Variants in RARB observed in about 807,000 individuals in gnomAD.
RARB encodes HBV-activated protein.
A neutral mutation model predicts 51.9 loss-of-function variants in RARB; 17 were observed. The ratio of observed to expected loss-of-function variants is 0.33; its 90% confidence interval spans 0.22 to 0.49. The LOEUF (loss-of-function observed/expected upper bound fraction) is 0.49. Among genes scored for constraint, RARB ranks in the 20% least tolerant of loss-of-function variants. RARB has a pLI of 0.99. For synonymous variants in RARB, 215 were observed against 195.4 expected (o/e 1.10, Z -0.84); for missense variants, 369 against 550.8 (o/e 0.67, Z 3.30).
chr3:25,330,436 A>T (rs1217280338), intron 5 of RARB, among the ~76,000 whole-genome samples: 1 of 151,994 alleles, frequency 6.6e-6, no homozygotes, highest in Non-Finnish European at 1.5e-5. Flanking sequence ...TGAAGGAGAA[A>T]TAAAATCCTT....
In RARB at chr3:25,420,991, C is replaced by CAA. The variant is rs1204249206; in HGVS notation, c.179-40185_179-40184dup. Among the ~76,000 whole-genome samples, 16 of 126,282 alleles carry CAA rather than the reference C, an allele frequency of 1.3e-4. No individual in the cohort carries two copies. The East Asian group carries it at 3.2e-3, about 25-fold the overall frequency. 82.8% of individuals were successfully genotyped at this position (126,282 alleles called of 152,430 possible). A position where few individuals can be genotyped will look rare whatever the true frequency, so the allele number is the denominator to read the frequency against. On this transcript the variant is annotated intron_variant, in intron 5 of 11. Transcript: ENST00000383772. The stretch of plus-strand genomic sequence containing the variant: ...TGCTGAGGCTCAACACCACTTATGC[C>CAA]AAAAAAAAAAAAAAAAAACAGAGTC...
At chr3:24,952,875 A>T (rs1292423634) in intron 2 of RARB, among the ~76,000 whole-genome samples, 1 of 149,392 alleles carries the variant, frequency 6.7e-6, no homozygotes, top group Non-Finnish European at 1.5e-5. Context: ...TAAAACTGGT[A>T]TTTTTTTTGT....
At chr3:25,127,318 C>G (rs1699876589) in intron 3 of RARB, among the ~76,000 whole-genome samples, 1 of 152,138 alleles carries the variant, frequency 6.6e-6, no homozygotes, top group African/African-American at 2.4e-5. Context: ...GCCCACCAGC[C>G]TTCTATCAAC....
intron 5 of RARB, among the ~76,000 whole-genome samples, chr3:25,283,452 C>A (rs1166637572): frequency 6.6e-6 from 1 of 152,184 alleles, no homozygotes; most frequent in Non-Finnish European, 1.5e-5. Flanking sequence ...AGTGGAAATT[C>A]TTCAGTTCCT....
chr3:25,225,291 G>C (rs1702031671), intron 5 of RARB, among the ~76,000 whole-genome samples: 1 of 137,116 alleles, frequency 7.3e-6, no homozygotes, highest in African/African-American at 2.5e-5. Flanking sequence ...GAGGTGACTT[G>C]TGAGCTAGGC....
At chr3:25,510,462 A>G (rs771029099) in intron 3 of RARB, among the ~76,000 whole-genome samples, 1 of 152,082 alleles carries the variant, frequency 6.6e-6, no homozygotes, top group Non-Finnish European at 1.5e-5. Flanking sequence ...TGTCTCTACT[A>G]AAAATACAAA....
chr3:24,997,677 G>T (rs144170680), intron 2 of RARB, among the ~76,000 whole-genome samples: 1 of 151,950 alleles, frequency 6.6e-6, no homozygotes, highest in African/African-American at 2.4e-5. Flanking sequence ...GAGCCACTGC[G>T]CCCGACCTGA....
chr3:25,205,665 C>G (rs2125374324), intron 5 of RARB, among the ~76,000 whole-genome samples: 1 of 152,200 alleles, frequency 6.6e-6, no homozygotes. Flanking sequence ...ATGCCCATAT[C>G]AAAATTTCTC....
intron 2 of RARB, among the ~76,000 whole-genome samples, chr3:25,467,573 G>A (rs1402571008): frequency 6.8e-6 from 1 of 146,914 alleles, no homozygotes; most frequent in East Asian, 2.1e-4. Flanking sequence ...CCCTCTGCTT[G>A]TATCACATTT....
intron 5 of RARB, among the ~76,000 whole-genome samples, chr3:25,341,032 C>G (rs995402301): frequency 1.3e-5 from 2 of 152,262 alleles, no homozygotes; most frequent in South Asian, 2.1e-4. Flanking sequence ...CTTTGCCTCT[C>G]AATCTGTGTT....
At chr3:25,438,574 T>C (rs944445297) in intron 1 of RARB, among the ~76,000 whole-genome samples, 2 of 152,148 alleles carry the variant, frequency 1.3e-5, no homozygotes, top group Non-Finnish European at 2.9e-5. Context: ...GTCATCTTCA[T>C]TTTACAGATG....
At chr3:25,000,581 G>A (rs375279908) in intron 2 of RARB, among the ~76,000 whole-genome samples, 20 of 152,140 alleles carry the variant, frequency 1.3e-4, no homozygotes, top group African/African-American at 4.6e-4. Context: ...ATTGGTGACT[G>A]TAATTTATTC....
chr3:24,969,183 A>T (rs1482383914), intron 2 of RARB, among the ~76,000 whole-genome samples: 2 of 152,126 alleles, frequency 1.3e-5, no homozygotes, highest in African/African-American at 2.4e-5. Context: ...TGTATTTGCC[A>T]GAAGTTTATG....
Position 24,919,173 on chromosome 3 carries a change from A to G in RARB, c.-380+60421A>G, listed in dbSNP as rs540342396. Among the ~76,000 whole-genome samples, 9 of 152,304 alleles carry G rather than the reference A, an allele frequency of 5.9e-5. No individual in the cohort carries two copies. The South Asian group carries it at 1.9e-3, about 32-fold the overall frequency. ...AGCTTAATAAGTGTCAACTCCTACT[A>G]CTATGATAATAATGATCTAGAGGCA... On this transcript the variant is annotated intron_variant, in intron 2 of 11. Transcript: ENST00000383772.
chr3:25,565,962 C>T (rs1257471174), intron 3 of RARB, among the ~76,000 whole-genome samples: 2 of 152,196 alleles, frequency 1.3e-5, no homozygotes, highest in East Asian at 3.9e-4. Context: ...CTGACTTCCC[C>T]TGCAGTACTT....
intron 5 of RARB, among the ~76,000 whole-genome samples, chr3:25,408,507 C>A (rs1157886272): frequency 6.6e-6 from 1 of 152,140 alleles, no homozygotes; most frequent in Admixed American, 6.5e-5. Flanking sequence ...TACCTCCTAC[C>A]AGGCCCCTCC....
At chr3:25,420,535 T>G (rs1391634007) in intron 5 of RARB, among the ~76,000 whole-genome samples, 1 of 152,248 alleles carries the variant, frequency 6.6e-6, no homozygotes, top group Non-Finnish European at 1.5e-5. Context: ...TTTGACCTTA[T>G]TTCTGCCAGC....
At chr3:25,145,827 C>T (rs1700179782) in intron 4 of RARB, among the ~76,000 whole-genome samples, 3 of 98,802 alleles carry the variant, frequency 3.0e-5, no homozygotes, top group African/African-American at 4.1e-5. Flanking sequence ...AAAACCCCAT[C>T]TCTACTAAAA....
intron 2 of RARB, among the ~76,000 whole-genome samples, chr3:24,993,474 C>T (rs368333468): frequency 1.4e-4 from 21 of 152,070 alleles, no homozygotes; most frequent in South Asian, 8.3e-4. Context: ...TCAATACATT[C>T]GTACATATGA....
Sources: gnomAD v4.1 joint callset for allele counts (sites outside exome capture counted in the v4.1 genomes callset) on GRCh38, gnomAD v4.1.1 for gene constraint, MANE v1.5 for transcripts, NCBI Gene and HGNC (gene_info 2026-07-23, HGNC 2026-07-21) for gene names.